The following SRGAP3 variants were observed in gnomAD, a reference collection of about 807,000 sequenced individuals.
The protein encoded by SRGAP3 is SLIT-ROBO Rho GTPase activating protein 3, also known as SLIT-ROBO Rho GTPase-activating protein 3.
SRGAP3 carries 39 observed loss-of-function variants against 121.1 expected under a neutral mutation model. The ratio of observed to expected loss-of-function variants is 0.32; its 90% confidence interval spans 0.25 to 0.42. The LOEUF (loss-of-function observed/expected upper bound fraction) is 0.42, where lower values mean the gene tolerates loss of function less well. Ranked by LOEUF, SRGAP3 falls within the 10% of genes least tolerant of loss-of-function variation. The pLI is 1.00. For missense variants in SRGAP3, 1,213 were observed against 1,470.6 expected (o/e 0.82, Z 2.86); for synonymous variants, 601 against 570.0 (o/e 1.05, Z -0.77).
chr3:8,989,615 A>G lies in SRGAP3; in HGVS notation c.2886+897T>C, dbSNP rs548486047. Among the ~76,000 whole-genome samples the G allele has an allele frequency of 2.2e-4, 33 of 152,252 alleles. 1 individual carries two copies. Among genetic ancestry groups the G allele is most frequent in the African/African-American group, 7.5e-4 (31 of 41,544 alleles). On this transcript the variant is annotated intron_variant, in intron 21 of 21. Coordinates refer to ENST00000383836, the MANE Select transcript of SRGAP3 (RefSeq NM_014850.4). ...GAGAACACTAGGGAGAGGGTACATAATGGGCCCCCACACCAAATTCCAGAG... is the reference window on the plus strand; with the variant it reads ...GAGAACACTAGGGAGAGGGTACATAGTGGGCCCCCACACCAAATTCCAGAG...
intron 21 of SRGAP3, among the ~76,000 whole-genome samples, chr3:8,986,360 GC>G (rs1941708101): frequency 6.6e-6 from 1 of 152,174 alleles, no homozygotes; most frequent in Admixed American, 6.5e-5. Context: ...GAAGAGCCTG[GC>G]CTGACCCCTG....
intron 1 of SRGAP3, among the ~76,000 whole-genome samples, chr3:9,160,517 G>A (rs1179717125): frequency 1.3e-5 from 2 of 152,162 alleles, no homozygotes; most frequent in Non-Finnish European, 2.9e-5. Flanking sequence ...TGTGGAAGCT[G>A]ATCCTCCAGT....
chr3:9,132,752 G>A (rs1323712994), intron 1 of SRGAP3, among the ~76,000 whole-genome samples: 1 of 151,976 alleles, frequency 6.6e-6, no homozygotes, highest in South Asian at 2.1e-4. Context: ...CAACTCATTT[G>A]GGTAAATATC....
At chr3:9,332,756 C>G (rs1274514166) in intron 1 of SRGAP3, among the ~76,000 whole-genome samples, 1 of 152,136 alleles carries the variant, frequency 6.6e-6, no homozygotes, top group Admixed American at 6.5e-5. Context: ...TTAACTGTGG[C>G]AGGCTGAGTT....
At position 9,278,302 on chromosome 3, in the gene SRGAP3, A is replaced by G. The variant is rs563225574; in HGVS notation, n.442+47708T>C. On this transcript the variant is annotated intron_variant and non_coding_transcript_variant, in intron 3 of 3. Coordinates refer to the SRGAP3 transcript ENST00000490889. ...TGCACGGGTCAAGACTCCCTGGGGGAAAAGCAAGGGACAAGAGGCCACCAG... is the reference window on the plus strand; with the variant it reads ...TGCACGGGTCAAGACTCCCTGGGGGGAAAGCAAGGGACAAGAGGCCACCAG... 4.3e-4 allele frequency among the ~76,000 whole-genome samples: 65 copies of G among 152,260 alleles called. 1 individual carries two copies. The highest frequency in any genetic ancestry group is 1.5e-3 in the African/African-American group (61 of 41,536).
intron 3 of SRGAP3, among the ~76,000 whole-genome samples, chr3:9,267,326 A>G (rs1954385579): frequency 6.6e-6 from 1 of 152,222 alleles, no homozygotes; most frequent in Non-Finnish European, 1.5e-5. Context: ...TTCAGATATT[A>G]ACAAATATGG....
At chr3:9,126,625 C>T (rs199831540) in intron 1 of SRGAP3, among the ~76,000 whole-genome samples, 1 of 56,454 alleles carries the variant, frequency 1.8e-5, no homozygotes, top group Non-Finnish European at 3.7e-5. Flanking sequence ...CAAAAACTAA[C>T]TAACTAACTA....
chr3:9,209,152 T>C (rs1952358590), intron 1 of SRGAP3, among the ~76,000 whole-genome samples: 1 of 152,238 alleles, frequency 6.6e-6, no homozygotes, highest in African/African-American at 2.4e-5. Flanking sequence ...GGGGATATTA[T>C]AAATAGCTAA....
At chr3:9,362,080 A>G (rs1575038735) in intron 1 of SRGAP3, among the ~76,000 whole-genome samples, 2 of 149,796 alleles carry the variant, frequency 1.3e-5, no homozygotes, top group East Asian at 3.9e-4. Flanking sequence ...TATTCTTCCA[A>G]CCCTGGAAGT....
chr3:9,099,702 G>C (rs948491566), intron 3 of SRGAP3, among the ~76,000 whole-genome samples: 2 of 152,210 alleles, frequency 1.3e-5, no homozygotes, highest in Admixed American at 6.5e-5. Context: ...AGTATCACCT[G>C]GGAATATGCT....
Position 9,021,946 on chromosome 3 carries a change from C to T in SRGAP3, c.1678+3315G>A, listed in dbSNP as rs144904734. On this transcript the variant is annotated intron_variant, in intron 14 of 21. Coordinates refer to ENST00000383836, the MANE Select transcript of SRGAP3 (RefSeq NM_014850.4). ...AAAATTATCCAGGCATGATGGCACACACCTGTAATCCCAGCTACTTGGTGG... is the reference window on the plus strand; with the variant it reads ...AAAATTATCCAGGCATGATGGCACATACCTGTAATCCCAGCTACTTGGTGG... 4.6e-5 allele frequency among the ~76,000 whole-genome samples: 7 copies of T among 152,266 alleles called. No homozygotes were observed. The East Asian group carries it at 1.2e-3, about 25-fold the overall frequency.
intron 5 of SRGAP3, among the ~76,000 whole-genome samples, chr3:9,061,498 A>G (rs1220162477): frequency 6.6e-6 from 1 of 151,892 alleles, no homozygotes; most frequent in East Asian, 1.9e-4. Context: ...AAGCTCATCT[A>G]CCTCTCCCAC....
intron 1 of SRGAP3, among the ~76,000 whole-genome samples, chr3:9,206,374 G>T (rs1402387815): frequency 6.6e-6 from 1 of 152,164 alleles, no homozygotes; most frequent in Non-Finnish European, 1.5e-5. Flanking sequence ...GAAGCTCAGG[G>T]AGTCTGATTC....
At chr3:9,174,474 T>A (rs1478415405) in intron 1 of SRGAP3, among the ~76,000 whole-genome samples, 3 of 149,106 alleles carry the variant, frequency 2.0e-5, no homozygotes, top group African/African-American at 7.4e-5. Context: ...GTGGAGGGAG[T>A]AGGGAAGGAG....
At chr3:9,293,003 G>C (rs1954894049) in intron 3 of SRGAP3, 1 of 145,538 alleles carries the variant, frequency 6.9e-6, no homozygotes, top group Non-Finnish European at 1.5e-5. Flanking sequence ...TTTAGATTTA[G>C]CAGCTGAAAA....
intron 3 of SRGAP3, among the ~76,000 whole-genome samples, chr3:9,281,748 C>A (rs1209355279): frequency 6.6e-6 from 1 of 152,162 alleles, no homozygotes; most frequent in Non-Finnish European, 1.5e-5. Flanking sequence ...TCTGGGCTCA[C>A]TGCAACCTCC....
At chr3:9,187,162 T>C (rs995795960) in intron 1 of SRGAP3, among the ~76,000 whole-genome samples, 31 of 144,194 alleles carry the variant, frequency 2.1e-4, no homozygotes, top group African/African-American at 7.9e-4. Flanking sequence ...CCTCCCTGTG[T>C]CCATGTGTTC....
At chr3:9,001,638 TTAAC>T (rs1446200560) in intron 18 of SRGAP3, among the ~76,000 whole-genome samples, 1 of 152,066 alleles carries the variant, frequency 6.6e-6, no homozygotes, top group East Asian at 1.9e-4. Context: ...AATGCAGAGA[TTAAC>T]AGACTGGATA....
At position 8,983,841 on chromosome 3, in the gene SRGAP3, T is replaced by G. The variant is rs1941548409; in HGVS notation, c.*1678A>C. ...GACAAACCCTAAGTCAGAAGGCTCC[T>G]AAGTGCTCAGGGCTGGGACTCAGAC... On this transcript the variant is annotated 3_prime_UTR_variant, in exon 22 of 22. Coordinates refer to ENST00000383836, the MANE Select transcript of SRGAP3 (RefSeq NM_014850.4). 4.3e-6 allele frequency: 1 copy of G among 230,058 alleles called. No individual in the cohort carries two copies. Among genetic ancestry groups the G allele is most frequent in the Non-Finnish European group, 8.6e-6 (1 of 116,150 alleles). 14.3% of individuals were successfully genotyped at this position (230,058 alleles called of 1,614,324 possible). A position where few individuals can be genotyped will look rare whatever the true frequency, so the allele number is the denominator to read the frequency against.
Sources: gnomAD v4.1 joint callset for allele counts (sites outside exome capture counted in the v4.1 genomes callset) on GRCh38, gnomAD v4.1.1 for gene constraint, MANE v1.5 for transcripts, NCBI Gene and HGNC (gene_info 2026-07-23, HGNC 2026-07-21) for gene names.